Variants in NME7 observed in about 807,000 individuals in gnomAD.
NME7 encodes the protein NME/NM23 family member 7.
Under a neutral mutation model 49.1 loss-of-function variants are expected in NME7, and 41 were observed. The ratio of observed to expected loss-of-function variants is 0.83; its 90% confidence interval spans 0.65 to 1.08. The LOEUF is 1.08. Among genes scored for constraint, NME7 ranks in the 50% least tolerant of loss-of-function variants. The probability of loss-of-function intolerance (pLI) is 0.00; values close to 1 mark genes in which losing one functional copy is unlikely to be tolerated. For missense variants in NME7, 423 were observed against 463.4 expected (o/e 0.91, Z 0.80); for synonymous variants, 139 against 150.6 (o/e 0.92, Z 0.56).
chr1:169,247,689 T>C lies in NME7; in HGVS notation c.755-10002A>G, dbSNP rs534844187. Among the ~76,000 whole-genome samples the C allele has an allele frequency of 1.2e-3, 185 of 152,214 alleles. 1 individual carries two copies. The highest frequency in any genetic ancestry group is 4.2e-3 in the African/African-American group (174 of 41,528). On this transcript the variant is annotated intron_variant, in intron 7 of 11. Coordinates refer to ENST00000367811, the MANE Select transcript of NME7 (RefSeq NM_013330.5). Reference sequence around the variant, plus strand: ...GTCCATCATAGAATTCTGTATGCCTTTGCATACCCGTATCTTGGTTCCCAC... The same window carrying C: ...GTCCATCATAGAATTCTGTATGCCTCTGCATACCCGTATCTTGGTTCCCAC...
chr1:169,135,428 AGAG>A (rs941386989), intron 11 of NME7, among the ~76,000 whole-genome samples: 2 of 152,246 alleles, frequency 1.3e-5, no homozygotes, highest in African/African-American at 2.4e-5. Flanking sequence ...TTTGGCTCAC[AGAG>A]GAGAACCAAA....
intron 3 of NME7, among the ~76,000 whole-genome samples, chr1:169,312,925 G>T (rs1407753713): frequency 6.6e-6 from 1 of 152,066 alleles, no homozygotes; most frequent in Non-Finnish European, 1.5e-5. Context: ...TATTCTAAAA[G>T]TAAACCTATT....
At chr1:169,290,011 GAATA>G (rs1276607828) in intron 6 of NME7, among the ~76,000 whole-genome samples, 1 of 151,890 alleles carries the variant, frequency 6.6e-6, no homozygotes, top group Non-Finnish European at 1.5e-5. Context: ...TAGTAGGAAA[GAATA>G]AATATTTATA....
intron 3 of NME7, among the ~76,000 whole-genome samples, chr1:169,320,809 T>G (rs1002898084): frequency 6.6e-6 from 1 of 152,238 alleles, no homozygotes; most frequent in Non-Finnish European, 1.5e-5. Context: ...ACTTCAAATT[T>G]GTTTTTACAT....
At chr1:169,167,294 A>G (rs1259135832) in intron 11 of NME7, among the ~76,000 whole-genome samples, 1 of 152,168 alleles carries the variant, frequency 6.6e-6, no homozygotes, top group Non-Finnish European at 1.5e-5. Flanking sequence ...CAATGTATGA[A>G]AATGAAAACA....
intron 5 of NME7, among the ~76,000 whole-genome samples, chr1:169,302,579 T>C (rs534609071): frequency 2.0e-5 from 3 of 152,110 alleles, no homozygotes; most frequent in Admixed American, 2.0e-4. Flanking sequence ...ATAATATCTA[T>C]TGATGGCAAC....
intron 7 of NME7, among the ~76,000 whole-genome samples, chr1:169,283,312 A>T (rs1185891521): frequency 6.6e-6 from 1 of 151,960 alleles, no homozygotes; most frequent in Non-Finnish European, 1.5e-5. Flanking sequence ...ATATTCCTCC[A>T]TCCCTTTACT....
At chr1:169,327,231 CACAG>C (rs1193450274) in intron 1 of NME7, among the ~76,000 whole-genome samples, 3 of 152,176 alleles carry the variant, frequency 2.0e-5, no homozygotes, top group African/African-American at 7.2e-5. Context: ...CTAATGATTA[CACAG>C]ACAATCATTA....
chr1:169,342,576 GTA>G (rs557502839), intron 1 of NME7, among the ~76,000 whole-genome samples: 16 of 49,556 alleles, frequency 3.2e-4, no homozygotes, highest in South Asian at 1.4e-3. Context: ...CATATATATA[GTA>G]TATATATATA....
At chr1:169,148,660 C>T (rs941203125) in intron 11 of NME7, among the ~76,000 whole-genome samples, 1 of 152,134 alleles carries the variant, frequency 6.6e-6, no homozygotes, top group East Asian at 1.9e-4. Context: ...AGGGAGCAGA[C>T]CAAAGTCAAG....
intron 6 of NME7, among the ~76,000 whole-genome samples, chr1:169,297,072 C>G (rs1396133518): frequency 6.6e-6 from 1 of 151,944 alleles, no homozygotes; most frequent in Non-Finnish European, 1.5e-5. Context: ...CTCCCTGGTT[C>G]AAGCAATTCT....
At chr1:169,186,928 T>G (rs907138336) in intron 10 of NME7, among the ~76,000 whole-genome samples, 6 of 152,128 alleles carry the variant, frequency 3.9e-5, no homozygotes, top group African/African-American at 9.7e-5. Flanking sequence ...TTAGCTGTGT[T>G]GAAGAGATTT....
chr1:169,279,514 G>T (rs538097843), intron 7 of NME7, among the ~76,000 whole-genome samples: 1 of 152,332 alleles, frequency 6.6e-6, no homozygotes, highest in African/African-American at 2.4e-5. Flanking sequence ...ATGACCTTCT[G>T]GTGCGCCATT....
intron 5 of NME7, among the ~76,000 whole-genome samples, chr1:169,301,164 T>C (rs1650923617): frequency 6.6e-6 from 1 of 152,050 alleles, no homozygotes; most frequent in South Asian, 2.1e-4. Context: ...AGAGAAAATA[T>C]TCACAAACTA....
chr1:169,168,453 C>T (rs964529290), intron 11 of NME7, among the ~76,000 whole-genome samples: 1 of 151,932 alleles, frequency 6.6e-6, no homozygotes, highest in Non-Finnish European at 1.5e-5. Flanking sequence ...CAAAGTCTCG[C>T]TATGATGTCC....
At chr1:169,173,385 A>G (rs1659659037) in intron 10 of NME7, among the ~76,000 whole-genome samples, 1 of 152,180 alleles carries the variant, frequency 6.6e-6, no homozygotes, top group Non-Finnish European at 1.5e-5. Context: ...TAAGCTAATT[A>G]TGACCTATTA....
chr1:169,259,342 T>C lies in NME7; in HGVS notation c.755-21655A>G, dbSNP rs910362643. On this transcript the variant is annotated intron_variant, in intron 7 of 11. Coordinates refer to ENST00000367811, the MANE Select transcript of NME7 (RefSeq NM_013330.5). Reference sequence around the variant, plus strand: ...ACATATGAATTCTTGAAATATGTGGTTGATTTTTGCCTATATTTGAACTTT... The same window carrying C: ...ACATATGAATTCTTGAAATATGTGGCTGATTTTTGCCTATATTTGAACTTT... Among the ~76,000 whole-genome samples, 6 of 133,650 alleles carry C rather than the reference T, an allele frequency of 4.5e-5. 1 individual carries two copies. The highest frequency in any genetic ancestry group is 1.1e-4 in the Non-Finnish European group (6 of 56,834). 87.7% of individuals were successfully genotyped at this position (133,650 alleles called of 152,430 possible). A position where few individuals can be genotyped will look rare whatever the true frequency, so the allele number is the denominator to read the frequency against.
At chr1:169,237,332 T>C (rs764525999) in intron 8 of NME7, among the ~76,000 whole-genome samples, 3 of 152,080 alleles carry the variant, frequency 2.0e-5, no homozygotes, top group Non-Finnish European at 4.4e-5. Context: ...CAAAATACAG[T>C]TTTTGGTCCT....
At chr1:169,350,326 A>G (rs1653118834) in intron 1 of NME7, among the ~76,000 whole-genome samples, 1 of 147,944 alleles carries the variant, frequency 6.8e-6, no homozygotes, top group Non-Finnish European at 1.5e-5. Flanking sequence ...TCCTTAGTAC[A>G]TTACTGAGTC....
Sources: gnomAD v4.1 joint callset for allele counts (sites outside exome capture counted in the v4.1 genomes callset) on GRCh38, gnomAD v4.1.1 for gene constraint, MANE v1.5 for transcripts, NCBI Gene and HGNC (gene_info 2026-07-23, HGNC 2026-07-21) for gene names.